CCT4: variants seen among roughly 807,000 people sequenced by gnomAD.
CCT4 encodes the protein T-complex protein 1 subunit delta.
In CCT4, 17 loss-of-function variants were observed where a neutral mutation model predicts 62.5. The observed-to-expected ratio is 0.27, with a 90% confidence interval of 0.19 to 0.41. CCT4 has a LOEUF of 0.41. CCT4 is among the 10% of genes least tolerant of loss of function. The probability of loss-of-function intolerance (pLI) is 1.00; values close to 1 mark genes in which losing one functional copy is unlikely to be tolerated. For missense variants in CCT4, 592 were observed against 659.2 expected (o/e 0.90, Z 1.12); for synonymous variants, 250 against 229.9 (o/e 1.09, Z -0.79).
At chr2:61,871,893 T>C (rs1668891850) in intron 12 of CCT4, among the ~76,000 whole-genome samples, 189 bp downstream of exon 12, 1 of 152,194 alleles carries the variant, frequency 6.6e-6, no homozygotes, top group African/African-American at 2.4e-5. Context: ...GAACAAATAA[T>C]ACTTCCCCCT....
chr2:61,879,277 T>TTC (rs397792406), intron 4 of CCT4, among the ~76,000 whole-genome samples: 4 of 144,986 alleles, frequency 2.8e-5, no homozygotes, highest in South Asian at 4.5e-4. Context: ...TTTTTTTTTT[T>TTC]CTGAGACAGG....
intron 12 of CCT4, among the ~76,000 whole-genome samples, chr2:61,870,979 GAA>G (rs70946766): frequency 2.2e-4 from 32 of 148,806 alleles, no homozygotes; most frequent in Non-Finnish European, 3.4e-4. Flanking sequence ...CTACGGGAAG[GAA>G]AAAAAAAATG....
intron 4 of CCT4, 96 bp from the exon 5 acceptor site, chr2:61,879,107 AAATTT>A: frequency 1.2e-6 from 1 of 816,856 alleles, no homozygotes; most frequent in Non-Finnish European, 1.9e-6. Flanking sequence ...AAGCAAGCAC[AAATTT>A]AACTATTCTT....
At chr2:61,871,930 C>A (rs1301205530) in intron 12 of CCT4, 152 bp downstream of exon 12, 1 of 583,154 alleles carries the variant, frequency 1.7e-6, no homozygotes, top group Admixed American at 3.2e-5. Context: ...CCTTCTCACT[C>A]AATGGCATAG....
chr2:61,872,526 C>T lies in CCT4; in HGVS notation c.1188G>A (p.Leu396=), dbSNP rs1668905236. 1.9e-6 allele frequency: 3 copies of T among 1,613,766 alleles called. No individual in the cohort carries two copies. Among genetic ancestry groups the T allele is most frequent in the Non-Finnish European group, 2.5e-6 (3 of 1,179,760 alleles). ...TGGAGCGCTCAGCTTCTTCAATCACCAGTTTGTTAGAACCACGAACAACAA... is the reference window on the plus strand; with the variant it reads ...TGGAGCGCTCAGCTTCTTCAATCACTAGTTTGTTAGAACCACGAACAACAA... ...VTIVVRGSNK[L]VIEEAERSIH... Residue 396 remains leucine (L), a synonymous_variant, in exon 11 of 14, where the codon CTG becomes CTA. Transcript: ENST00000394440.
In CCT4 at chr2:61,883,612, C is replaced by T. The variant is rs2105140143; in HGVS notation, c.181-64G>A. 5 of 802,566 alleles carry T rather than the reference C, an allele frequency of 6.2e-6. No individual in the cohort carries two copies. In the South Asian group the frequency reaches 8.1e-5, roughly 13 times the overall value. The allele number at this position is 802,566 out of a possible 1,614,324, so 49.7% of individuals were successfully genotyped here. A position where few individuals can be genotyped will look rare whatever the true frequency, so the allele number is the denominator to read the frequency against. ...CCTTAATAGTTTTATTAAACTTTTA[C>T]ATTTCAAAATAGAGAAGTTAATTTC... is the stretch of plus-strand genomic sequence containing the variant. On this transcript the variant is annotated intron_variant, in intron 2 of 13. Coordinates refer to ENST00000394440, the MANE Select transcript of CCT4 (RefSeq NM_006430.4).
chr2:61,884,955 C>A, intron 2 of CCT4, 65 bp downstream of exon 2: 1 of 1,376,454 alleles, frequency 7.3e-7, no homozygotes, highest in Non-Finnish European at 1.0e-6. Context: ...TCTAACCCTT[C>A]AACAAGATCT....
rs867574901 is a variant in CCT4, at chr2:61,883,795, C to G, written c.181-247G>C. ...GTAGACACACACACACACACACACA[C>G]ACACACACACACACACACACAAAAG... On this transcript the variant is annotated intron_variant, in intron 2 of 13. Coordinates refer to ENST00000394440, the MANE Select transcript of CCT4 (RefSeq NM_006430.4). Among the ~76,000 whole-genome samples the G allele has an allele frequency of 8.9e-3, 1,343 of 151,644 alleles. 15 individuals carry two copies. Among genetic ancestry groups the G allele is most frequent in the African/African-American group, 0.03 (1,233 of 41,314 alleles).
At chr2:61,879,838 G>A (rs1338542353) in intron 4 of CCT4, among the ~76,000 whole-genome samples, 1 of 151,680 alleles carries the variant, frequency 6.6e-6, no homozygotes, top group Admixed American at 6.6e-5. Flanking sequence ...TACCTCCCGG[G>A]TTCAAGTGAT....
chr2:61,882,324 C>T (rs958379423), intron 3 of CCT4, among the ~76,000 whole-genome samples: 1 of 152,090 alleles, frequency 6.6e-6, no homozygotes, highest in Non-Finnish European at 1.5e-5. Context: ...CGAGTGTATG[C>T]CAAGTTTCCA....
At chr2:61,874,488 T>C (rs1668955455) in intron 8 of CCT4, among the ~76,000 whole-genome samples, 1 of 151,864 alleles carries the variant, frequency 6.6e-6, no homozygotes, top group African/African-American at 2.4e-5. Flanking sequence ...CACGTGACTG[T>C]AATCCCAACT....
In CCT4 at chr2:61,873,125, G is replaced by T. The variant is rs747146630; in HGVS notation, c.1015-13C>A. ...TGGTTCCAATTGTCTGGAAAAAACA[G>T]TCAAATCCACAAATTAAGACATTTA... is the stretch of plus-strand genomic sequence containing the variant. On this transcript the variant is annotated splice_polypyrimidine_tract_variant and intron_variant, in intron 9 of 13. Transcript: ENST00000394440. 1.9e-5 allele frequency: 30 copies of T among 1,542,832 alleles called. No individual in the cohort carries two copies. Among genetic ancestry groups the T allele is most frequent in the Non-Finnish European group, 2.7e-5 (30 of 1,115,342 alleles).
intron 5 of CCT4, 41 bp downstream of exon 5, chr2:61,878,828 T>C (rs774628322): frequency 6.7e-7 from 1 of 1,488,724 alleles, no homozygotes; most frequent in East Asian, 2.3e-5. Flanking sequence ...AGTAACACAC[T>C]TTTAACTAAT....
intron 1 of CCT4, among the ~76,000 whole-genome samples, 192 bp from the exon 2 acceptor site, chr2:61,885,264 T>C (rs1669225830): frequency 6.6e-6 from 1 of 151,980 alleles, no homozygotes. Context: ...TCCCCTCAAA[T>C]GATCATTGTG....
chr2:61,872,797 G>A (rs1668911695), intron 10 of CCT4, among the ~76,000 whole-genome samples: 2 of 152,134 alleles, frequency 1.3e-5, no homozygotes, highest in African/African-American at 4.8e-5. Context: ...CGTGGTGGCA[G>A]GCGCCTGTAG....
At chr2:61,882,356 A>C (rs991427348) in intron 3 of CCT4, among the ~76,000 whole-genome samples, 1 of 152,194 alleles carries the variant, frequency 6.6e-6, no homozygotes, top group Admixed American at 6.6e-5. Context: ...AAGGTAAAAG[A>C]AGTAAAATAA....
chr2:61,883,815 C>A (rs1316012461), intron 2 of CCT4, among the ~76,000 whole-genome samples: 2 of 142,398 alleles, frequency 1.4e-5, no homozygotes, highest in East Asian at 2.0e-4. Flanking sequence ...CACACACACA[C>A]AAAAGGAAAA....
chr2:61,879,256 C>CTTTTTTTTTTTTTTTTTTTTT, intron 4 of CCT4, among the ~76,000 whole-genome samples: 1 of 101,078 alleles, frequency 9.9e-6, no homozygotes, highest in Non-Finnish European at 1.8e-5. Context: ...AAATTTTATA[C>CTTTTTTTTTTTTTTTTTTTTT]TTTTTTTTTT....
intron 8 of CCT4, 118 bp downstream of exon 8, chr2:61,875,977 G>T: frequency 1.6e-6 from 1 of 615,650 alleles, no homozygotes; most frequent in Non-Finnish European, 2.8e-6. Context: ...AGAGTTGTCT[G>T]TTAAGAAATA....
Sources: allele counts gnomAD v4.1 joint callset (sites outside exome capture counted in the v4.1 genomes callset), GRCh38; gene constraint gnomAD v4.1.1; transcripts MANE v1.5; gene names NCBI Gene and HGNC (gene_info 2026-07-23, HGNC 2026-07-21).